The following SASH1 variants were observed in gnomAD, a reference collection of about 807,000 sequenced individuals.
SASH1 encodes SAM and SH3 domain-containing protein 1.
In SASH1, 44 loss-of-function variants were observed where a neutral mutation model predicts 125.2. The observed-to-expected ratio is 0.35, with a 90% confidence interval of 0.28 to 0.45. SASH1 has a LOEUF of 0.45. Among genes scored for constraint, SASH1 ranks in the 20% least tolerant of loss-of-function variants. The probability of loss-of-function intolerance (pLI) is 1.00; values close to 1 mark genes in which losing one functional copy is unlikely to be tolerated. For synonymous variants in SASH1, 639 were observed against 649.1 expected (o/e 0.98, Z 0.24); for missense variants, 1,426 against 1,614.5 (o/e 0.88, Z 2.00).
At chr6:148,416,473 G>C (rs138575479) in intron 2 of SASH1, among the ~76,000 whole-genome samples, 88 of 152,284 alleles carry the variant, frequency 5.8e-4, no homozygotes, top group African/African-American at 2.0e-3. Context: ...TTTAAAAATA[G>C]CTCTTGAGTT....
the SASH1 span, among the ~76,000 whole-genome samples, chr6:148,247,771 A>G: frequency 1.3e-5 from 2 of 152,256 alleles, no homozygotes; most frequent in African/African-American, 4.8e-5. Flanking sequence ...TTTATTTCAT[A>G]GAAACTAAAA....
At chr6:148,463,311 A>G (rs1375417126) in intron 4 of SASH1, among the ~76,000 whole-genome samples, 1 of 151,938 alleles carries the variant, frequency 6.6e-6, no homozygotes, top group Non-Finnish European at 1.5e-5. Context: ...CGCCTGGCTA[A>G]TTATTGTATT....
At chr6:148,267,614 A>G (rs1778978033), upstream of SASH1, among the ~76,000 whole-genome samples, 1 of 152,064 alleles carries the variant, frequency 6.6e-6, no homozygotes, top group African/African-American at 2.4e-5. Context: ...TCCTGACCTC[A>G]TGATCTGCCT....
the SASH1 span, among the ~76,000 whole-genome samples, chr6:148,213,329 G>T: frequency 6.6e-6 from 1 of 152,098 alleles, no homozygotes; most frequent in African/African-American, 2.4e-5. Context: ...TCCTACCCAC[G>T]AACCCCAGAT....
At chr6:148,225,300 A>G in the SASH1 span, among the ~76,000 whole-genome samples, 2 of 152,226 alleles carry the variant, frequency 1.3e-5, no homozygotes, top group South Asian at 4.1e-4. Flanking sequence ...GTTTTTCATA[A>G]ATCTAATTCT....
chr6:148,275,810 C>T (rs1279505641), intron 1 of SASH1, among the ~76,000 whole-genome samples: 1 of 152,230 alleles, frequency 6.6e-6, no homozygotes, highest in Admixed American at 6.5e-5. Context: ...CAGCCTTGAA[C>T]TCCTAGGCTA....
intron 8 of SASH1, among the ~76,000 whole-genome samples, chr6:148,491,555 CCACCG>C (rs1481091179): frequency 6.6e-6 from 1 of 152,188 alleles, no homozygotes; most frequent in Non-Finnish European, 1.5e-5. Flanking sequence ...CAGGCGTGAG[CCACCG>C]CACCTGGCCT....
intron 2 of SASH1, among the ~76,000 whole-genome samples, chr6:148,428,917 C>A (rs1203163448): frequency 1.3e-5 from 2 of 152,052 alleles, no homozygotes; most frequent in African/African-American, 4.8e-5. Flanking sequence ...TTATACCAGG[C>A]CAAGAGCTTA....
In SASH1 at chr6:148,446,589, G is replaced by A. The variant is rs376404916; in HGVS notation, c.386+6182G>A. Among the ~76,000 whole-genome samples the A allele has an allele frequency of 3.6e-4, 55 of 152,292 alleles. No homozygotes were observed. In the East Asian group the frequency reaches 6.7e-3, roughly 19 times the overall value. On this transcript the variant is annotated intron_variant, in intron 4 of 19. Transcript: ENST00000367467. ...GTCATTACATTCAAGGAAGCCAACT[G>A]TAGGGAGGGCCACCTGGCTATTTTG...
chr6:148,513,831 C>G, intron 8 of SASH1: 3 of 986,262 alleles, frequency 3.0e-6, no homozygotes, highest in Non-Finnish European at 3.6e-6. Context: ...GCATCTCTTT[C>G]CCTTTCCTGC....
chr6:148,473,319 C>G lies in SASH1; in HGVS notation c.515-791C>G, dbSNP rs1387065062. 2.0e-5 allele frequency among the ~76,000 whole-genome samples: 3 copies of G among 152,196 alleles called. No homozygotes were observed. In the East Asian group the frequency reaches 5.8e-4, roughly 29 times the overall value. On this transcript the variant is annotated intron_variant, in intron 6 of 19. Transcript: ENST00000367467. ...GTAGGCTGGAGTGCAGTGGTGTGATCTTGGCTCACTGCAACCTTCACCTCC... is the reference window on the plus strand; with the variant it reads ...GTAGGCTGGAGTGCAGTGGTGTGATGTTGGCTCACTGCAACCTTCACCTCC...
rs772160374 is a variant in SASH1, at chr6:148,519,810, C to A, written c.1126C>A (p.Pro376Thr). ...GAAGATGGGGACATTCTTCTCCTAC[C>A]CAGAAGAAGAAAAGGCCCAGAAAGT... is the stretch of plus-strand genomic sequence containing the variant. ...PKKMGTFFSY[P>T]EEEKAQKVSR... Residue 376 changes from proline (P) to threonine (T), a missense_variant, in exon 10 of 20, where the codon CCA (proline) becomes ACA (threonine). Coordinates refer to ENST00000367467, the MANE Select transcript of SASH1 (RefSeq NM_015278.5). The surrounding 1 kb of genome is among the most constrained non-coding windows in gnomAD (Gnocchi z 4.8). The A allele has an allele frequency of 3.7e-6, 6 of 1,613,556 alleles. No individual in the cohort carries two copies. Among genetic ancestry groups the A allele is most frequent in the Non-Finnish European group, 5.1e-6 (6 of 1,179,782 alleles).
At position 148,550,156 on chromosome 6, in the gene SASH1, GTAAATT is replaced by G. The variant is rs1324287564; in HGVS notation, c.*1603_*1608del. ...CTAGTGTCTGGTTTTCTAGCAAACA[GTAAATT>G]TAAACAAGTAAACTATTATGGTTTC... On this transcript the variant is annotated 3_prime_UTR_variant, in exon 20 of 20. Transcript: ENST00000367467. 3.3e-5 allele frequency: 5 copies of G among 152,166 alleles called. No individual in the cohort carries two copies. The highest frequency in any genetic ancestry group is 1.2e-4 in the African/African-American group (5 of 41,450). The allele number at this position is 152,166 out of a possible 1,614,324, so 9.4% of individuals were successfully genotyped here. A position where few individuals can be genotyped will look rare whatever the true frequency, so the allele number is the denominator to read the frequency against.
chr6:148,348,840 A>C (rs776252372), intron 1 of SASH1, among the ~76,000 whole-genome samples: 9 of 152,234 alleles, frequency 5.9e-5, no homozygotes, highest in Non-Finnish European at 1.2e-4. Context: ...ACAAAAGGTT[A>C]GTTTTGCTGC....
At chr6:148,201,123 T>C in the SASH1 span, among the ~76,000 whole-genome samples, 3 of 152,214 alleles carry the variant, frequency 2.0e-5, no homozygotes, top group African/African-American at 7.2e-5. Context: ...CTTAGAGTGA[T>C]AGTAGAAGGT....
At chr6:148,426,293 G>A (rs547530635) in intron 2 of SASH1, among the ~76,000 whole-genome samples, 1 of 152,126 alleles carries the variant, frequency 6.6e-6, no homozygotes, top group East Asian at 1.9e-4. Context: ...AGTGTGCAGT[G>A]CGCTCTCATT....
chr6:148,421,117 GA>G (rs1785042474), intron 2 of SASH1, among the ~76,000 whole-genome samples: 1 of 83,484 alleles, frequency 1.2e-5, no homozygotes, highest in Non-Finnish European at 2.6e-5. Flanking sequence ...GAAAGGAAAA[GA>G]AAGGAAGAAA....
intron 2 of SASH1, among the ~76,000 whole-genome samples, chr6:148,396,498 A>G (rs1783958273): frequency 6.6e-6 from 1 of 151,414 alleles, no homozygotes; most frequent in Non-Finnish European, 1.5e-5. Flanking sequence ...AAAAAAAAAA[A>G]AAAAAGAAAG....
intron 8 of SASH1, among the ~76,000 whole-genome samples, chr6:148,496,982 G>A (rs2115251141): frequency 1.3e-5 from 2 of 152,058 alleles, no homozygotes; most frequent in African/African-American, 4.8e-5. Context: ...GATTTTTATG[G>A]ATAATTCTTA....
Sources: allele counts gnomAD v4.1 joint callset (sites outside exome capture counted in the v4.1 genomes callset), GRCh38; gene constraint gnomAD v4.1.1; non-coding constraint Gnocchi (gnomAD v3.1); transcripts MANE v1.5; gene names NCBI Gene and HGNC (gene_info 2026-07-23, HGNC 2026-07-21).